AKNAD1: variants seen among roughly 807,000 people sequenced by gnomAD.
AKNAD1 encodes the protein protein AKNAD1.
AKNAD1 carries 67 observed loss-of-function variants against 90.8 expected under a neutral mutation model. The ratio of observed to expected loss-of-function variants is 0.74; its 90% CI spans 0.61 to 0.90. The LOEUF is 0.90. Ranked by LOEUF, AKNAD1 falls within the 40% of genes least tolerant of loss-of-function variation. AKNAD1 has a pLI of 0.00. For missense variants in AKNAD1, 957 were observed against 975.4 expected (o/e 0.98, Z 0.25); for synonymous variants, 327 against 341.4 (o/e 0.96, Z 0.46).
chr1:108,833,081 G>C (rs1418330039), intron 9 of AKNAD1, among the ~76,000 whole-genome samples: 1 of 152,124 alleles, frequency 6.6e-6, no homozygotes, highest in East Asian at 1.9e-4. Flanking sequence ...CCATCAATAA[G>C]AGATTGTCTA....
At chr1:108,820,714 G>A in intron 13 of AKNAD1, 88 bp from the exon 14 acceptor site, 1 of 680,352 alleles carries the variant, frequency 1.5e-6, no homozygotes, top group Non-Finnish European at 2.5e-6. Context: ...CTTTTTGTAT[G>A]AATGAAATAT....
chr1:108,858,143 T>C (rs538512503), upstream of AKNAD1: 1 of 152,782 alleles, frequency 6.5e-6, no homozygotes, highest in Admixed American at 6.5e-5. Flanking sequence ...TTCTAAATCA[T>C]CTTTTTTTCA....
At chr1:108,837,403 A>T in intron 7 of AKNAD1, 147 bp downstream of exon 7, 1 of 742,394 alleles carries the variant, frequency 1.3e-6, no homozygotes, top group Non-Finnish European at 2.1e-6. Context: ...GGTTCCATTT[A>T]AAATAATATA....
chr1:108,848,872 G>T, intron 4 of AKNAD1, 40 bp downstream of exon 4: 1 of 1,598,738 alleles, frequency 6.3e-7, no homozygotes, highest in Non-Finnish European at 8.5e-7. Context: ...GTGTGAATTT[G>T]GTTACTTATA....
In AKNAD1 at chr1:108,843,269, T is replaced by C. The variant is rs771030069; in HGVS notation, c.1246-2A>G. Reference sequence around the variant, plus strand: ...GTGTCCCTGCAGTTTCTCCAGGACCTGCAGCGGTGAAGTCACTGGAATCAT... The same window carrying C: ...GTGTCCCTGCAGTTTCTCCAGGACCCGCAGCGGTGAAGTCACTGGAATCAT... On this transcript the variant is annotated splice_acceptor_variant, in intron 5 of 15. Transcript: ENST00000370001. LOFTEE classifies it high-confidence loss of function. 5.6e-6 allele frequency: 9 copies of C among 1,613,190 alleles called. No homozygotes were observed. The African/African-American group carries it at 1.2e-4, about 22-fold the overall frequency.
intron 6 of AKNAD1, among the ~76,000 whole-genome samples, chr1:108,840,892 C>T (rs1006231659): frequency 4.6e-5 from 7 of 152,062 alleles, no homozygotes; most frequent in East Asian, 1.9e-4. Context: ...GAAATGAGCC[C>T]GGGTACGGTG....
chr1:108,843,071 G>C, intron 6 of AKNAD1, 63 bp downstream of exon 6: 1 of 1,578,218 alleles, frequency 6.3e-7, no homozygotes, highest in Non-Finnish European at 8.6e-7. Context: ...AGCCACATCA[G>C]AATCCCACCT....
intron 10 of AKNAD1, among the ~76,000 whole-genome samples, chr1:108,828,232 G>A (rs750540647): frequency 1.5e-4 from 23 of 151,714 alleles, no homozygotes; most frequent in African/African-American, 5.6e-4. Flanking sequence ...GGGCTTTGCC[G>A]GGTGTCTGTG....
rs1450499628 is a variant in AKNAD1, at chr1:108,826,736, C to CTTTTTT, written c.1936+468_1936+469insAAAAAA. ...AGTGATTCTTTTTTTCTTTTCTTTTCTTTTTCTTTTTTTTTTTTTTTGAAA... is the reference window on the plus strand; with the variant it reads ...AGTGATTCTTTTTTTCTTTTCTTTTCTTTTTTTTTTTCTTTTTTTTTTTTTTTGAAA... On this transcript the variant is annotated intron_variant, in intron 11 of 15. Coordinates refer to ENST00000370001, the MANE Select transcript of AKNAD1 (RefSeq NM_152763.5). Among the ~76,000 whole-genome samples the CTTTTTT allele has an allele frequency of 2.3e-4, 26 of 114,786 alleles. 1 individual carries two copies. The highest frequency in any genetic ancestry group is 6.4e-4 in the African/African-American group (17 of 26,628). The allele number at this position is 114,786 out of a possible 152,430, so 75.3% of individuals were successfully genotyped here.
chr1:108,840,898 C>T (rs1342818038), intron 6 of AKNAD1, among the ~76,000 whole-genome samples: 3 of 152,108 alleles, frequency 2.0e-5, no homozygotes, highest in Non-Finnish European at 2.9e-5. Context: ...AGCCCGGGTA[C>T]GGTGGCTCAT....
rs978217485 is a variant in AKNAD1 at position 108,851,917 on chromosome 1, C to T, written c.748G>A (p.Gly250Ser). The T allele has an allele frequency of 8.7e-6, 14 of 1,613,970 alleles. No individual in the cohort carries two copies. Among genetic ancestry groups the T allele is most frequent in the Admixed American group, 5.0e-5 (3 of 59,986 alleles). The change falls in exon 2 of 16, where the codon GGC becomes AGC. Residue 250 changes from glycine to serine, a missense_variant. By Grantham distance (56) the Gly-to-Ser change is moderately conservative. Transcript: ENST00000370001. ...AGCTGGTAATGAACTTGACCTTGGC[C>T]GTATTTGAACGTGTTGCCTGAATTT... ...KANSGNTFKY[G>S]QGQVHYQLPD...
chr1:108,830,795 G>C (rs1333680085), intron 9 of AKNAD1, 145 bp from the exon 10 acceptor site: 3 of 702,550 alleles, frequency 4.3e-6, no homozygotes, highest in East Asian at 5.4e-5. Flanking sequence ...CCTCCAGTTG[G>C]GGAAAGGGAG....
At chr1:108,840,072 C>G (rs1307073442) in intron 6 of AKNAD1, among the ~76,000 whole-genome samples, 1 of 151,126 alleles carries the variant, frequency 6.6e-6, no homozygotes, top group African/African-American at 2.4e-5. Context: ...CAATATTGTT[C>G]TGGAAAACCT....
Position 108,820,542 on chromosome 1 carries a change from T to C in AKNAD1, c.2249+3A>G. 6.3e-7 allele frequency: 1 copy of C among 1,576,542 alleles called. No homozygotes were observed. On this transcript the variant is annotated splice_donor_region_variant and intron_variant, in intron 14 of 15. Coordinates refer to ENST00000370001, the MANE Select transcript of AKNAD1 (RefSeq NM_152763.5). ...TTGTTACTGATAATGAAATAATACT[T>C]ACTTTCCTGGTGTGGGCTCATGTTC...
intron 14 of AKNAD1, among the ~76,000 whole-genome samples, chr1:108,819,148 C>G (rs1282052138): frequency 2.6e-5 from 4 of 152,138 alleles, no homozygotes; most frequent in African/African-American, 9.7e-5. Flanking sequence ...ACAGACTTTT[C>G]TCTTTCCATC....
chr1:108,819,105 G>A (rs1198655481), intron 14 of AKNAD1, among the ~76,000 whole-genome samples: 3 of 152,104 alleles, frequency 2.0e-5, no homozygotes, highest in Admixed American at 1.3e-4. Flanking sequence ...TGCGCTATTG[G>A]TTCTGTCTCT....
chr1:108,835,259 C>A (rs1664345942), intron 7 of AKNAD1, among the ~76,000 whole-genome samples: 1 of 152,158 alleles, frequency 6.6e-6, no homozygotes, highest in African/African-American at 2.4e-5. Context: ...CTCTGAAAAA[C>A]CTTCTCCCTT....
intron 13 of AKNAD1, 52 bp from the exon 14 acceptor site, chr1:108,820,678 A>C (rs1557823963): frequency 1.0e-6 from 1 of 999,598 alleles, no homozygotes. Flanking sequence ...TGAGCCCCAA[A>C]TGGTGCCTAT....
chr1:108,831,634 C>T (rs529226124), intron 9 of AKNAD1, among the ~76,000 whole-genome samples: 3 of 151,244 alleles, frequency 2.0e-5, no homozygotes, highest in African/African-American at 7.3e-5. Context: ...GGTTGTATTT[C>T]CTACCTGTGA....
Sources: allele counts gnomAD v4.1 joint callset (sites outside exome capture counted in the v4.1 genomes callset), GRCh38; gene constraint gnomAD v4.1.1; transcripts MANE v1.5; gene names NCBI Gene and HGNC (gene_info 2026-07-23, HGNC 2026-07-21).